The following CFAP47 variants were observed in gnomAD, a reference collection of about 807,000 sequenced individuals.
The protein encoded by CFAP47 is cilia- and flagella-associated protein 47.
In CFAP47, 29 loss-of-function variants were observed where a neutral mutation model predicts 148.1. The ratio of observed to expected loss-of-function variants is 0.20; its 90% CI spans 0.15 to 0.27. The LOEUF (loss-of-function observed/expected upper bound fraction) is 0.27, where lower values mean the gene tolerates loss of function less well. CFAP47 is among the 10% of genes least tolerant of loss of function. The probability of loss-of-function intolerance (pLI) is 1.00; values close to 1 mark genes in which losing one functional copy is unlikely to be tolerated. For missense variants in CFAP47, 1,872 were observed against 1,697.5 expected, an observed-to-expected ratio of 1.10 and a Z score of -1.81; for synonymous variants, 664 against 577.3, an observed-to-expected ratio of 1.15 and a Z score of -2.15.
At chrX:36,086,895 A>G (rs1938098203) in intron 30 of CFAP47, among the ~76,000 whole-genome samples, 1 of 111,208 alleles carries the variant, frequency 9.0e-6, no homozygotes, top group Admixed American at 9.7e-5. Flanking sequence ...TGACAAATAT[A>G]TGAGGACTAG....
At chrX:36,052,274 A>G (rs183963403) in intron 26 of CFAP47, among the ~76,000 whole-genome samples, 95 of 112,068 alleles carry the variant, frequency 8.5e-4, no homozygotes, top group African/African-American at 2.9e-3. Flanking sequence ...CATGGATGAG[A>G]TATAGCATAG....
intron 22 of CFAP47, among the ~76,000 whole-genome samples, chrX:36,028,941 A>C: frequency 9.0e-6 from 1 of 111,040 alleles, no homozygotes; most frequent in Non-Finnish European, 1.9e-5. Flanking sequence ...TCTTACAGGA[A>C]ATAGTTTTAG....
intron 10 of CFAP47, among the ~76,000 whole-genome samples, chrX:35,968,678 TTTTA>T (rs1936445106): frequency 1.8e-5 from 2 of 111,098 alleles, no homozygotes; most frequent in South Asian, 7.4e-4. Context: ...GACATAATTG[TTTTA>T]TTGTCTATGA....
At chrX:36,201,948 C>CT (rs11420401) in intron 44 of CFAP47, among the ~76,000 whole-genome samples, 5,377 of 111,277 alleles carry the variant, frequency 0.048, 358 homozygotes, top group African/African-American at 0.17. Flanking sequence ...AATTCAGACT[C>CT]TAACACTGTC....
intron 33 of CFAP47, among the ~76,000 whole-genome samples, chrX:36,121,141 G>C (rs1938736166): frequency 9.0e-6 from 1 of 111,274 alleles, no homozygotes; most frequent in African/African-American, 3.3e-5. Context: ...GATAGTTTTT[G>C]TCTTGAAATC....
intron 57 of CFAP47, among the ~76,000 whole-genome samples, chrX:36,338,771 C>T (rs1941629421): frequency 1.8e-5 from 2 of 111,644 alleles, no homozygotes; most frequent in Admixed American, 9.5e-5. Flanking sequence ...CCTTTAAATC[C>T]AGACTCATAT....
At chrX:35,990,686 C>G (rs1180167960) in intron 16 of CFAP47, among the ~76,000 whole-genome samples, 1 of 110,534 alleles carries the variant, frequency 9.0e-6, no homozygotes, top group Non-Finnish European at 1.9e-5. Context: ...TGTTTAGATA[C>G]TGTCTAAGAT....
At chrX:36,133,812 AAAAG>A (rs1443167314) in intron 33 of CFAP47, among the ~76,000 whole-genome samples, 1 of 108,411 alleles carries the variant, frequency 9.2e-6, no homozygotes, top group African/African-American at 3.4e-5. Context: ...AAAAAAAAAG[AAAAG>A]AAAAAGAAAG....
chrX:36,365,580 A>C (rs1486969714), intron 61 of CFAP47: 1 of 110,493 alleles, frequency 9.1e-6, no homozygotes, highest in Admixed American at 9.7e-5. Flanking sequence ...TTCTTCACCC[A>C]TGTATGAAGA....
At chrX:35,972,105 GTTA>G in intron 13 of CFAP47, 140 bp downstream of exon 13, 1 of 435,884 alleles carries the variant, frequency 2.3e-6, no homozygotes, top group Non-Finnish European at 4.0e-6. Context: ...AGTAGTCATA[GTTA>G]TTAAGTATGA....
intron 26 of CFAP47, among the ~76,000 whole-genome samples, chrX:36,049,495 C>CTT (rs751773623): frequency 0.084 from 8,809 of 104,771 alleles, 887 homozygotes; most frequent in African/African-American, 0.28. Context: ...CTCTCACACA[C>CTT]ACACACACAC....
chrX:36,088,146 C>T (rs145259761), intron 30 of CFAP47, among the ~76,000 whole-genome samples: 163 of 111,777 alleles, frequency 1.5e-3, no homozygotes, highest in African/African-American at 5.0e-3. Context: ...ACTCCAAATA[C>T]AGTCACATTC....
At chrX:36,218,103 C>T (rs1489508451) in intron 45 of CFAP47, among the ~76,000 whole-genome samples, 1 of 91,963 alleles carries the variant, frequency 1.1e-5, no homozygotes, top group Non-Finnish European at 2.0e-5. Context: ...GTAAATCAGT[C>T]TGCAAAAATT....
At chrX:36,327,108 G>T (rs1556013208) in intron 57 of CFAP47, among the ~76,000 whole-genome samples, 1 of 111,123 alleles carries the variant, frequency 9.0e-6, no homozygotes, top group Non-Finnish European at 1.9e-5. Flanking sequence ...TTGACAAGTG[G>T]GACCTAATTA....
At chrX:35,960,062 A>G (rs1284429993) in intron 8 of CFAP47, among the ~76,000 whole-genome samples, 1 of 108,348 alleles carries the variant, frequency 9.2e-6, no homozygotes, top group Non-Finnish European at 1.9e-5. Context: ...GCATATCTGT[A>G]TTTATCCTAT....
chrX:36,349,413 C>G (rs909257333), intron 58 of CFAP47, among the ~76,000 whole-genome samples: 1 of 110,945 alleles, frequency 9.0e-6, no homozygotes, highest in African/African-American at 3.3e-5. Context: ...CAGGTGTGTG[C>G]CACCACGCCT....
rs183798834 is a variant in CFAP47 at position 36,270,954 on chromosome X, A to G, written c.7445-9533A>G. On this transcript the variant is annotated intron_variant, in intron 49 of 63. Coordinates refer to ENST00000378653, the MANE Select transcript of CFAP47 (RefSeq NM_001304548.2). ...CTATCTGAACCATCACTGCTTTAAC[A>G]TTTTGCCCCAGCCTCTGTTTTTCAT... Among the ~76,000 whole-genome samples, 610 of 109,719 alleles carry G rather than the reference A, an allele frequency of 5.6e-3. 1 individual carries two copies. The highest frequency in any genetic ancestry group is 9.3e-3 in the Middle Eastern group (2 of 214).
chrX:35,932,960 A>T (rs772799100), intron 2 of CFAP47, among the ~76,000 whole-genome samples: 1 of 111,333 alleles, frequency 9.0e-6, no homozygotes, highest in South Asian at 3.8e-4. Context: ...ATGTGTATAT[A>T]TTTAAGGTTC....
intron 26 of CFAP47, among the ~76,000 whole-genome samples, chrX:36,061,808 A>T (rs1163218633): frequency 8.9e-6 from 1 of 111,856 alleles, no homozygotes; most frequent in Non-Finnish European, 1.9e-5. Flanking sequence ...TTCTGTAAGC[A>T]TCTGTTTTTT....
Sources: gnomAD v4.1 joint callset for allele counts (sites outside exome capture counted in the v4.1 genomes callset) on GRCh38, gnomAD v4.1.1 for gene constraint, MANE v1.5 for transcripts, NCBI Gene and HGNC (gene_info 2026-07-23, HGNC 2026-07-21) for gene names.